The following PELI2 variants were observed in gnomAD, a reference collection of about 807,000 sequenced individuals.
PELI2 encodes the protein pellino E3 ubiquitin protein ligase family member 2.
In PELI2, 23 loss-of-function variants were observed where a neutral mutation model predicts 42.3. The ratio of observed to expected loss-of-function variants is 0.54; its 90% CI spans 0.39 to 0.77. PELI2 has a LOEUF of 0.77. Ranked by LOEUF, PELI2 falls within the 30% of genes least tolerant of loss-of-function variation. PELI2 has a pLI of 0.00. For missense variants in PELI2, 463 were observed against 553.2 expected (o/e 0.84, Z 1.64); for synonymous variants, 245 against 212.2 (o/e 1.15, Z -1.34).
intron 2 of PELI2, among the ~76,000 whole-genome samples, chr14:56,226,029 C>A (rs1198966347): frequency 6.6e-6 from 1 of 151,894 alleles, no homozygotes; most frequent in Non-Finnish European, 1.5e-5. Flanking sequence ...CAGAAACTGA[C>A]TGCCAGAGTG....
Position 56,233,158 on chromosome 14 carries a change from T to C in PELI2, c.208-46518T>C, listed in dbSNP as rs558796648. Among the ~76,000 whole-genome samples, 847 of 152,160 alleles carry C rather than the reference T, an allele frequency of 5.6e-3. 4 individuals carry two copies. The highest frequency in any genetic ancestry group is 0.017 in the Middle Eastern group (5 of 294). On this transcript the variant is annotated intron_variant, in intron 2 of 5. Transcript: ENST00000267460. ...TGCTCATGGATAGGAAGAATCAATA[T>C]CGTGAAATGGCCATACTGCCCAAGG...
At chr14:56,246,408 A>G (rs145857006) in intron 2 of PELI2, among the ~76,000 whole-genome samples, 1,577 of 152,342 alleles carry the variant, frequency 0.01, 11 homozygotes, top group Non-Finnish European at 0.018. Context: ...TAACTACTTA[A>G]GCTGCTAATC....
chr14:56,236,554 T>G (rs1887803487), intron 2 of PELI2, among the ~76,000 whole-genome samples: 1 of 152,246 alleles, frequency 6.6e-6, no homozygotes, highest in Admixed American at 6.5e-5. Context: ...CTACTCTCTC[T>G]TGTTTTTGCT....
chr14:56,196,221 G>A (rs193285681), intron 2 of PELI2, among the ~76,000 whole-genome samples: 52 of 152,214 alleles, frequency 3.4e-4, no homozygotes, highest in African/African-American at 1.3e-3. Context: ...AAATAACGAT[G>A]TCTGTTTCTT....
intron 1 of PELI2, among the ~76,000 whole-genome samples, chr14:56,125,247 C>T (rs1595534915): frequency 6.6e-6 from 1 of 152,114 alleles, no homozygotes; most frequent in African/African-American, 2.4e-5. Flanking sequence ...TGCTCCCAGC[C>T]CTGGGCTACA....
chr14:56,283,535 C>T (rs1889549723), intron 3 of PELI2, among the ~76,000 whole-genome samples: 1 of 152,198 alleles, frequency 6.6e-6, no homozygotes, highest in Admixed American at 6.5e-5. Flanking sequence ...ACCTAGACCC[C>T]ATGGCAGGGT....
chr14:56,297,404 T>C lies in PELI2; in HGVS notation c.*238T>C, dbSNP rs1890046102. 7.4e-6 allele frequency: 3 copies of C among 407,064 alleles called. No individual in the cohort carries two copies. In the East Asian group the frequency reaches 1.1e-4, roughly 15 times the overall value. 25.2% of individuals were successfully genotyped at this position (407,064 alleles called of 1,614,324 possible). A position where few individuals can be genotyped will look rare whatever the true frequency, so the allele number is the denominator to read the frequency against. On this transcript the variant is annotated 3_prime_UTR_variant, in exon 6 of 6. Coordinates refer to ENST00000267460, the MANE Select transcript of PELI2 (RefSeq NM_021255.3). ...CTGCTTGATTAAACCATAATATCTT[T>C]GTAATAATTGGATTTAAAATGCTAT...
chr14:56,286,539 C>CTT (rs1055186700), intron 3 of PELI2, among the ~76,000 whole-genome samples: 81 of 152,310 alleles, frequency 5.3e-4, no homozygotes, highest in African/African-American at 1.9e-3. Flanking sequence ...CATTCTGTGA[C>CTT]TATCACATGA....
chr14:56,276,873 C>T (rs1019960994), intron 2 of PELI2, among the ~76,000 whole-genome samples: 41 of 152,196 alleles, frequency 2.7e-4, no homozygotes, highest in South Asian at 8.3e-4. Flanking sequence ...TTTAAATGGG[C>T]TCAACATTCA....
At chr14:56,128,103 A>G (rs1432892621) in intron 1 of PELI2, among the ~76,000 whole-genome samples, 1 of 152,200 alleles carries the variant, frequency 6.6e-6, no homozygotes, top group Non-Finnish European at 1.5e-5. Flanking sequence ...TGTACATACT[A>G]GGAATTAAGC....
chr14:56,254,869 C>T (rs142945488), intron 2 of PELI2, among the ~76,000 whole-genome samples: 2,216 of 152,200 alleles, frequency 0.015, 57 homozygotes, highest in African/African-American at 0.05. Context: ...TTTATGCAGC[C>T]AACAAATACG....
chr14:56,226,326 G>T (rs938491065), intron 2 of PELI2, among the ~76,000 whole-genome samples: 1 of 152,164 alleles, frequency 6.6e-6, no homozygotes, highest in Admixed American at 6.5e-5. Flanking sequence ...CTGATGATCA[G>T]CCTCACTGGC....
At chr14:56,152,338 G>A (rs1884392928) in intron 1 of PELI2, among the ~76,000 whole-genome samples, 1 of 152,142 alleles carries the variant, frequency 6.6e-6, no homozygotes, top group Admixed American at 6.5e-5. Context: ...GGGGTTATAG[G>A]GGAGGACACA....
chr14:56,189,470 C>T (rs186351630), intron 2 of PELI2, among the ~76,000 whole-genome samples: 2 of 152,328 alleles, frequency 1.3e-5, no homozygotes, highest in Non-Finnish European at 2.9e-5. Context: ...TCATGGCTCT[C>T]TGCCTGATTT....
At chr14:56,227,218 G>T (rs1046267465) in intron 2 of PELI2, among the ~76,000 whole-genome samples, 34 of 152,214 alleles carry the variant, frequency 2.2e-4, no homozygotes, top group Admixed American at 4.6e-4. Flanking sequence ...GCCAGGGCAG[G>T]CCAGCTGGGA....
intron 2 of PELI2, among the ~76,000 whole-genome samples, chr14:56,192,209 A>G (rs1440263485): frequency 6.6e-6 from 1 of 152,206 alleles, no homozygotes; most frequent in Admixed American, 6.5e-5. Context: ...AAAATGGAAT[A>G]AAGTTTTTAG....
chr14:56,161,921 A>C (rs1026789196), intron 1 of PELI2, among the ~76,000 whole-genome samples: 8 of 152,172 alleles, frequency 5.3e-5, no homozygotes, highest in African/African-American at 1.9e-4. Flanking sequence ...CTCTGGCCAG[A>C]AATCAAACCT....
chr14:56,283,455 T>C (rs1293173266), intron 3 of PELI2, among the ~76,000 whole-genome samples: 1 of 152,208 alleles, frequency 6.6e-6, no homozygotes, highest in East Asian at 1.9e-4. Flanking sequence ...ACCATCAGCA[T>C]AGAGACCAGC....
chr14:56,231,581 C>A (rs1178904497), intron 2 of PELI2, among the ~76,000 whole-genome samples: 1 of 152,166 alleles, frequency 6.6e-6, no homozygotes, highest in Non-Finnish European at 1.5e-5. Flanking sequence ...ACACAACATA[C>A]CAGAATCTCT....
Sources: allele counts gnomAD v4.1 joint callset (sites outside exome capture counted in the v4.1 genomes callset), GRCh38; gene constraint gnomAD v4.1.1; transcripts MANE v1.5; gene names NCBI Gene and HGNC (gene_info 2026-07-23, HGNC 2026-07-21).